The following RERE variants were observed in gnomAD, a reference collection of about 807,000 sequenced individuals.
RERE encodes arginine-glutamic acid dipeptide repeats.
In RERE, 40 loss-of-function variants were observed where a neutral mutation model predicts 146.1. The observed-to-expected ratio is 0.27, with a 90% CI of 0.21 to 0.36. RERE has a LOEUF of 0.36. Ranked by LOEUF, RERE falls within the 10% of genes least tolerant of loss-of-function variation. The pLI is 1.00. For missense variants in RERE, 1,933 were observed against 2,138.7 expected (o/e 0.90, Z 1.90); for synonymous variants, 1,003 against 866.0 (o/e 1.16, Z -2.78).
intron 1 of RERE, among the ~76,000 whole-genome samples, chr1:8,703,604 G>A (rs1270897127): frequency 6.6e-6 from 1 of 152,208 alleles, no homozygotes; most frequent in East Asian, 1.9e-4. Flanking sequence ...CCCTCCGACA[G>A]CCGGAACTGG....
chr1:8,803,696 G>A lies in RERE; in HGVS notation c.-145+13464C>T, dbSNP rs1010838115. ...TCCCCCCTCAGCATCGCGAGTAGCT[G>A]AGACTACAGGTGCACACCACCATGC... is the stretch of plus-strand genomic sequence containing the variant. On this transcript the variant is annotated intron_variant, in intron 1 of 22. Coordinates refer to ENST00000400908, the MANE Select transcript of RERE (RefSeq NM_001042681.2). 2.6e-5 allele frequency among the ~76,000 whole-genome samples: 4 copies of A among 151,072 alleles called. 1 individual carries two copies. Among genetic ancestry groups the A allele is most frequent in the Non-Finnish European group, 5.9e-5 (4 of 67,896 alleles).
intron 12 of RERE, among the ~76,000 whole-genome samples, chr1:8,412,700 A>T (rs1334279715): frequency 1.3e-5 from 2 of 152,244 alleles, no homozygotes; most frequent in Non-Finnish European, 2.9e-5. Flanking sequence ...CCGCTGCGCA[A>T]ACAGGAGAGT....
chr1:8,524,831 AAAC>A (rs1479903751), intron 7 of RERE, among the ~76,000 whole-genome samples: 1 of 152,180 alleles, frequency 6.6e-6, no homozygotes, highest in African/African-American at 2.4e-5. Context: ...TGGGTAGAAG[AAAC>A]TAGTGTCTGG....
intron 1 of RERE, among the ~76,000 whole-genome samples, chr1:8,802,106 T>C (rs892843737): frequency 6.6e-6 from 1 of 152,260 alleles, no homozygotes; most frequent in Non-Finnish European, 1.5e-5. Flanking sequence ...ATAATTTGTA[T>C]TTCATTTGAA....
In RERE at chr1:8,801,215, G is replaced by A. The variant is rs538274879; in HGVS notation, c.-145+15945C>T. Among the ~76,000 whole-genome samples the A allele has an allele frequency of 2.8e-4, 42 of 152,082 alleles. 1 individual carries two copies. The highest frequency in any genetic ancestry group is 4.3e-4 in the Non-Finnish European group (29 of 67,982). ...GTTGAGGCTGCAGTCGGCCCTGATCGCGCCACTGCACTCCAACCTGGACGG... is the reference window on the plus strand; with the variant it reads ...GTTGAGGCTGCAGTCGGCCCTGATCACGCCACTGCACTCCAACCTGGACGG... On this transcript the variant is annotated intron_variant, in intron 1 of 22. Transcript: ENST00000400908.
chr1:8,804,488 T>G (rs956498490), intron 1 of RERE, among the ~76,000 whole-genome samples: 1 of 152,252 alleles, frequency 6.6e-6, no homozygotes, highest in African/African-American at 2.4e-5. Flanking sequence ...CAATACTGAT[T>G]CTTCCCTTCC....
chr1:8,539,052 T>C (rs772347351), intron 7 of RERE, among the ~76,000 whole-genome samples: 3 of 152,348 alleles, frequency 2.0e-5, no homozygotes, highest in Non-Finnish European at 4.4e-5. Context: ...TTTTGGTTAG[T>C]TGTTACAAAC....
At chr1:8,770,596 A>AAGG (rs1014747592) in intron 1 of RERE, among the ~76,000 whole-genome samples, 19 of 152,194 alleles carry the variant, frequency 1.2e-4, no homozygotes, top group Admixed American at 7.9e-4. Flanking sequence ...AGAACAAGGG[A>AAGG]AGGGTACAGT....
intron 1 of RERE, among the ~76,000 whole-genome samples, chr1:8,774,145 C>G (rs1214241565): frequency 6.6e-6 from 1 of 152,094 alleles, no homozygotes; most frequent in Non-Finnish European, 1.5e-5. Flanking sequence ...GCCATTCATT[C>G]GAGGCATCCC....
At chr1:8,629,284 C>T (rs1647008623) in intron 2 of RERE, among the ~76,000 whole-genome samples, 1 of 152,166 alleles carries the variant, frequency 6.6e-6, no homozygotes, top group East Asian at 1.9e-4. Flanking sequence ...GAATGGATCA[C>T]AGGATTAAGT....
intron 1 of RERE, among the ~76,000 whole-genome samples, chr1:8,710,186 TG>T (rs1408887926): frequency 6.6e-6 from 1 of 152,224 alleles, no homozygotes; most frequent in Non-Finnish European, 1.5e-5. Context: ...AAATGCCCTA[TG>T]GGTTCCACCA....
chr1:8,439,749 G>A (rs1644221414), intron 11 of RERE, among the ~76,000 whole-genome samples: 1 of 152,168 alleles, frequency 6.6e-6, no homozygotes, highest in South Asian at 2.1e-4. Flanking sequence ...GACAATAACA[G>A]GTCTGAGAGT....
At chr1:8,399,898 A>AT (rs879303574) in intron 12 of RERE, among the ~76,000 whole-genome samples, 63 of 145,638 alleles carry the variant, frequency 4.3e-4, no homozygotes, top group African/African-American at 9.5e-4. Flanking sequence ...TGTGAACAGC[A>AT]TTTTTTTTTT....
At chr1:8,770,380 C>G (rs1640921769) in intron 1 of RERE, among the ~76,000 whole-genome samples, 1 of 152,106 alleles carries the variant, frequency 6.6e-6, no homozygotes, top group Admixed American at 6.6e-5. Flanking sequence ...TAGGGCCTTA[C>G]CTTCTCAATA....
chr1:8,609,939 T>TTCA (rs1646771368), intron 4 of RERE, among the ~76,000 whole-genome samples: 1 of 152,062 alleles, frequency 6.6e-6, no homozygotes, highest in African/African-American at 2.4e-5. Context: ...CAGATAATTT[T>TTCA]TCATTTTTTC....
At chr1:8,435,043 G>A (rs920421940) in intron 11 of RERE, among the ~76,000 whole-genome samples, 1 of 152,178 alleles carries the variant, frequency 6.6e-6, no homozygotes, top group Non-Finnish European at 1.5e-5. Flanking sequence ...ATTATCAGGG[G>A]TAACGTGTTA....
At chr1:8,466,115 A>C in intron 10 of RERE, 92 bp from the exon 11 acceptor site, 2 of 1,057,940 alleles carry the variant, frequency 1.9e-6, no homozygotes, top group Non-Finnish European at 2.7e-6. Context: ...ACTATCTCCC[A>C]CAGAAGAGTC....
intron 1 of RERE, among the ~76,000 whole-genome samples, chr1:8,796,832 A>C (rs1641484316): frequency 6.6e-6 from 1 of 152,194 alleles, no homozygotes; most frequent in Admixed American, 6.5e-5. Context: ...CTGAATGTTT[A>C]AGTATATATA....
chr1:8,461,582 C>G (rs1644527327), intron 11 of RERE, among the ~76,000 whole-genome samples: 1 of 152,132 alleles, frequency 6.6e-6, no homozygotes, highest in Non-Finnish European at 1.5e-5. Context: ...GGCTTCAGTT[C>G]AAGATTTGAA....
Sources: gnomAD v4.1 joint callset for allele counts (sites outside exome capture counted in the v4.1 genomes callset) on GRCh38, gnomAD v4.1.1 for gene constraint, MANE v1.5 for transcripts, NCBI Gene and HGNC (gene_info 2026-07-23, HGNC 2026-07-21) for gene names.